INPP4B: variants seen among roughly 807,000 people sequenced by gnomAD.
INPP4B encodes the protein inositol polyphosphate 4-phosphatase type II.
Under a neutral mutation model 122.5 loss-of-function variants are expected in INPP4B, and 55 were observed. That is an observed-to-expected ratio of 0.45 (90% CI 0.36 to 0.56). The LOEUF is 0.56. Among genes scored for constraint, INPP4B ranks in the 20% least tolerant of loss-of-function variants. The pLI, the probability that INPP4B is intolerant of heterozygous loss-of-function variation, is 0.00. For missense variants in INPP4B, 1,000 were observed against 1,097.7 expected (o/e 0.91, Z 1.26); for synonymous variants, 403 against 388.7 (o/e 1.04, Z -0.43).
intron 7 of INPP4B, among the ~76,000 whole-genome samples, chr4:142,335,257 T>G (rs1249279337): frequency 6.6e-6 from 1 of 152,032 alleles, no homozygotes; most frequent in Admixed American, 6.6e-5. Context: ...AGATTAAAAC[T>G]TGCAATAACA....
intron 8 of INPP4B, among the ~76,000 whole-genome samples, chr4:142,308,145 T>G (rs1764146835): frequency 6.6e-6 from 1 of 152,198 alleles, no homozygotes; most frequent in Non-Finnish European, 1.5e-5. Flanking sequence ...AGGGCTGCAC[T>G]GTGAGTGCAT....
At chr4:142,485,348 T>C (rs113640537) in intron 2 of INPP4B, among the ~76,000 whole-genome samples, 1 of 152,096 alleles carries the variant, frequency 6.6e-6, no homozygotes, top group Non-Finnish European at 1.5e-5. Context: ...TCTTCATCTC[T>C]GAGCCACAAA....
At chr4:142,615,605 T>A (rs1414191052) in intron 2 of INPP4B, among the ~76,000 whole-genome samples, 6 of 152,098 alleles carry the variant, frequency 3.9e-5, no homozygotes, top group African/African-American at 1.4e-4. Flanking sequence ...ACCTAGTTAG[T>A]CTCATGATCT....
intron 5 of INPP4B, among the ~76,000 whole-genome samples, chr4:142,414,550 A>T (rs1317895563): frequency 6.6e-6 from 1 of 152,130 alleles, no homozygotes; most frequent in African/African-American, 2.4e-5. Context: ...GAAAAGAAAA[A>T]ATTTGGTTCA....
chr4:142,673,286 T>G (rs1221175462), intron 2 of INPP4B, among the ~76,000 whole-genome samples: 8 of 152,152 alleles, frequency 5.3e-5, no homozygotes, highest in Non-Finnish European at 1.2e-4. Context: ...TGATTGAAAT[T>G]GCATTGAATC....
chr4:142,247,068 T>A (rs1052606096), intron 11 of INPP4B, among the ~76,000 whole-genome samples: 1 of 152,186 alleles, frequency 6.6e-6, no homozygotes, highest in African/African-American at 2.4e-5. Flanking sequence ...GTTTTTGTCA[T>A]TGGTTCTGTT....
chr4:142,533,099 A>T (rs1827812446), intron 2 of INPP4B, among the ~76,000 whole-genome samples: 1 of 152,188 alleles, frequency 6.6e-6, no homozygotes, highest in Admixed American at 6.6e-5. Flanking sequence ...TAGTGCCCAA[A>T]ATTATAGGTC....
At position 142,796,868 on chromosome 4, in the gene INPP4B, A is replaced by ATGTGTGTGTG. The variant is rs34860975; in HGVS notation, c.-254+49331_-254+49340dup. ...TCACAGAAACTGATGCGGAAAACAG[A>ATGTGTGTGTG]TGTGTGTGTGTGTGTGTGTGTGTGT... On this transcript the variant is annotated intron_variant, in intron 1 of 25. Coordinates refer to ENST00000262992, the MANE Select transcript of INPP4B (RefSeq NM_001101669.3). Among the ~76,000 whole-genome samples the ATGTGTGTGTG allele has an allele frequency of 4.3e-3, 453 of 105,356 alleles. 5 individuals are homozygous for ATGTGTGTGTG. The highest frequency in any genetic ancestry group is 0.013 in the African/African-American group (398 of 30,034). The allele number at this position is 105,356 out of a possible 152,430, so 69.1% of individuals were successfully genotyped here. A position where few individuals can be genotyped will look rare whatever the true frequency, so the allele number is the denominator to read the frequency against.
intron 8 of INPP4B, among the ~76,000 whole-genome samples, chr4:142,306,240 T>C (rs574476319): frequency 1.4e-4 from 22 of 151,920 alleles, no homozygotes; most frequent in African/African-American, 4.3e-4. Flanking sequence ...TTTTTTTTTT[T>C]TTTTTTCTTT....
In INPP4B at chr4:142,709,019, C is replaced by G. The variant is rs150728756; in HGVS notation, c.-191+16820G>C. Among the ~76,000 whole-genome samples the G allele has an allele frequency of 1.1e-3, 166 of 152,288 alleles. 1 individual carries two copies. The highest frequency in any genetic ancestry group is 3.5e-3 in the African/African-American group (144 of 41,572). On this transcript the variant is annotated intron_variant, in intron 2 of 25. Coordinates refer to ENST00000262992, the MANE Select transcript of INPP4B (RefSeq NM_001101669.3). ...TGACCAATGCCTTGGGAGCCCATCC[C>G]TTGCATCAGAGTGCCCTGGATGTGA...
chr4:142,517,186 A>G (rs1243817899), intron 2 of INPP4B, among the ~76,000 whole-genome samples: 1 of 152,032 alleles, frequency 6.6e-6, no homozygotes, highest in Non-Finnish European at 1.5e-5. Flanking sequence ...TCCCACAACA[A>G]GCATATGTGA....
At chr4:142,487,779 T>A (rs1410911715) in intron 2 of INPP4B, among the ~76,000 whole-genome samples, 1 of 152,156 alleles carries the variant, frequency 6.6e-6, no homozygotes, top group African/African-American at 2.4e-5. Context: ...TGGCCTTGCA[T>A]CCTATGGTCT....
intron 2 of INPP4B, among the ~76,000 whole-genome samples, chr4:142,529,377 C>A (rs570882437): frequency 6.6e-6 from 1 of 152,046 alleles, no homozygotes; most frequent in East Asian, 1.9e-4. Context: ...TATACTTTAA[C>A]CACAACAAAT....
chr4:142,832,764 C>A (rs1000709222), intron 1 of INPP4B, among the ~76,000 whole-genome samples: 4 of 151,878 alleles, frequency 2.6e-5, no homozygotes, highest in South Asian at 2.1e-4. Flanking sequence ...CTACTCCCCC[C>A]CCGCATTGTC....
intron 17 of INPP4B, among the ~76,000 whole-genome samples, chr4:142,158,465 G>T (rs534935822): frequency 6.6e-6 from 1 of 152,182 alleles, no homozygotes; most frequent in African/African-American, 2.4e-5. Flanking sequence ...CTGACTGAAG[G>T]GAATAGTGCT....
At chr4:142,797,788 T>C (rs1418292521) in intron 1 of INPP4B, among the ~76,000 whole-genome samples, 2 of 151,928 alleles carry the variant, frequency 1.3e-5, no homozygotes, top group East Asian at 3.9e-4. Flanking sequence ...ACCTAAATTG[T>C]CTATTTTCAA....
At chr4:142,728,625 C>T (rs1280156316) in intron 1 of INPP4B, among the ~76,000 whole-genome samples, 1 of 152,118 alleles carries the variant, frequency 6.6e-6, no homozygotes, top group Non-Finnish European at 1.5e-5. Context: ...CAAAGACACA[C>T]ACAGACAGAG....
At chr4:142,615,003 A>G (rs1055164155) in intron 2 of INPP4B, among the ~76,000 whole-genome samples, 1 of 152,342 alleles carries the variant, frequency 6.6e-6, no homozygotes, top group Admixed American at 6.5e-5. Flanking sequence ...AGAACTAAAA[A>G]TAGAACTACC....
chr4:142,117,897 T>C (rs576089888), intron 21 of INPP4B, among the ~76,000 whole-genome samples: 70 of 152,252 alleles, frequency 4.6e-4, no homozygotes, highest in Non-Finnish European at 7.4e-4. Context: ...GAAAACCCCA[T>C]CGTCTAAGCC....
Sources: gnomAD v4.1 joint callset for allele counts (sites outside exome capture counted in the v4.1 genomes callset) on GRCh38, gnomAD v4.1.1 for gene constraint, MANE v1.5 for transcripts, NCBI Gene and HGNC (gene_info 2026-07-23, HGNC 2026-07-21) for gene names.